DOCK10: variants seen among roughly 807,000 people sequenced by gnomAD.
DOCK10 encodes the protein dedicator of cytokinesis 10.
A neutral mutation model predicts 280.1 loss-of-function variants in DOCK10; 145 were observed. The observed-to-expected ratio is 0.52, with a 90% CI of 0.45 to 0.59. DOCK10 has a LOEUF of 0.59. DOCK10 is among the 20% of genes least tolerant of loss of function. The pLI, the probability that DOCK10 is intolerant of heterozygous loss-of-function variation, is 0.00. For missense variants in DOCK10, 2,368 were observed against 2,651.7 expected, an observed-to-expected ratio of 0.89 and a Z score of 2.35; for synonymous variants, 915 against 942.2, an observed-to-expected ratio of 0.97 and a Z score of 0.53.
intron 3 of DOCK10, among the ~76,000 whole-genome samples, chr2:224,913,361 G>A (rs1378339100): frequency 3.9e-5 from 6 of 152,052 alleles, no homozygotes; most frequent in African/African-American, 1.2e-4. Context: ...GAGCAACCTT[G>A]TATGTCTCTT....
At chr2:224,929,359 C>A (rs765860355) in intron 2 of DOCK10, among the ~76,000 whole-genome samples, 3 of 152,090 alleles carry the variant, frequency 2.0e-5, no homozygotes, top group Admixed American at 6.6e-5. Context: ...CATGTATTTG[C>A]TGAATGAATA....
At chr2:225,035,304 A>C (rs1217461350) in intron 1 of DOCK10, among the ~76,000 whole-genome samples, 1 of 151,940 alleles carries the variant, frequency 6.6e-6, no homozygotes, top group African/African-American at 2.4e-5. Context: ...CATGAACCAC[A>C]TTATAGCATA....
rs1692350086 is a variant in DOCK10, at chr2:224,793,476, T to G, written c.5155-19A>C. ...TGGCAGCCTGTAATGAGAAAGAAAA[T>G]AAAGAGGCTCAGGGGATGGAGTTTA... On this transcript the variant is annotated intron_variant, in intron 45 of 55. Coordinates refer to ENST00000258390, the MANE Select transcript of DOCK10 (RefSeq NM_014689.3). The G allele has an allele frequency of 1.2e-6, 2 of 1,607,986 alleles. No homozygotes were observed. The highest frequency in any genetic ancestry group is 1.3e-5 in the African/African-American group (1 of 74,834).
intron 2 of DOCK10, among the ~76,000 whole-genome samples, chr2:224,921,092 TAAAAAAAAAA>T (rs781152272): frequency 5.0e-5 from 3 of 59,484 alleles, no homozygotes; most frequent in African/African-American, 3.7e-4. Context: ...CCGTCTCTAT[TAAAAAAAAAA>T]AAAAAAAAAA....
At position 224,876,039 on chromosome 2, in the gene DOCK10, C is replaced by T; in HGVS notation, c.930G>A (p.Leu310=). 2 of 1,611,686 alleles carry T rather than the reference C, an allele frequency of 1.2e-6. No individual in the cohort carries two copies. Among genetic ancestry groups the T allele is most frequent in the Non-Finnish European group, 1.7e-6 (2 of 1,179,150 alleles). Residue 310 remains leucine, a splice_region_variant and synonymous_variant, in exon 8 of 56, where the codon CTG becomes CTA. Coordinates refer to ENST00000258390, the MANE Select transcript of DOCK10 (RefSeq NM_014689.3). ...GAAGACGGCTTCATATGCTCTCACC[C>T]AGACCCAGATCAGTGAGCTCTGTGC... The part of the protein sequence containing the change: ...RRSTELTDLG[L]DSLDNSVTCE...
Position 224,790,007 on chromosome 2 carries a change from C to T in DOCK10, c.5312-837G>A, listed in dbSNP as rs938805446. On this transcript the variant is annotated intron_variant, in intron 47 of 55. Coordinates refer to ENST00000258390, the MANE Select transcript of DOCK10 (RefSeq NM_014689.3). ...TGTTGGCTAGGCTGGTCTTAAACTA[C>T]TGACCTCAGGTGATCTGCCCGCCTC... Among the ~76,000 whole-genome samples, 4 of 152,186 alleles carry T rather than the reference C, an allele frequency of 2.6e-5. 1 individual carries two copies. Among genetic ancestry groups the T allele is most frequent in the Non-Finnish European group, 4.4e-5 (3 of 68,036 alleles).
chr2:225,011,995 A>T (rs1689453164), intron 1 of DOCK10, among the ~76,000 whole-genome samples: 1 of 152,198 alleles, frequency 6.6e-6, no homozygotes, highest in Admixed American at 6.5e-5. Flanking sequence ...AAATTCATTC[A>T]GCAGAGAGTA....
chr2:225,002,223 C>T (rs1706450086), intron 1 of DOCK10, among the ~76,000 whole-genome samples: 1 of 152,176 alleles, frequency 6.6e-6, no homozygotes, highest in South Asian at 2.1e-4. Flanking sequence ...ATGCTAAACT[C>T]TCCCTATATT....
At chr2:224,921,112 A>AAAAAAATATATATATAT in intron 2 of DOCK10, among the ~76,000 whole-genome samples, 2 of 54,416 alleles carry the variant, frequency 3.7e-5, no homozygotes, top group East Asian at 4.0e-4. Flanking sequence ...AAAAAAAAAA[A>AAAAAAATATATATATAT]ATATATATAT....
intron 1 of DOCK10, among the ~76,000 whole-genome samples, chr2:224,938,955 TTCTG>T (rs1165262190): frequency 2.6e-5 from 4 of 152,194 alleles, no homozygotes; most frequent in African/African-American, 9.6e-5. Flanking sequence ...CCCTTTAACC[TTCTG>T]TCTGTCTTGA....
At chr2:224,982,594 G>C in intron 1 of DOCK10, 6 of 845,890 alleles carry the variant, frequency 7.1e-6, no homozygotes, top group Non-Finnish European at 8.5e-6. Flanking sequence ...AGAGCACTGC[G>C]CTCAGAAAGT....
At chr2:224,943,706 T>C (rs1181175445) in intron 1 of DOCK10, among the ~76,000 whole-genome samples, 11 of 152,068 alleles carry the variant, frequency 7.2e-5, no homozygotes, top group Admixed American at 7.2e-4. Flanking sequence ...ACTATTCAAA[T>C]GAATAGGCTC....
chr2:224,844,715 T>G (rs144724516), intron 22 of DOCK10, 38 bp downstream of exon 22: 250 of 1,270,350 alleles, frequency 2.0e-4, no homozygotes, highest in South Asian at 1.3e-3. Flanking sequence ...ATGCTGTGAG[T>G]TAGAGAAGAT....
intron 7 of DOCK10, among the ~76,000 whole-genome samples, chr2:224,884,076 C>A (rs1699132931): frequency 6.6e-6 from 1 of 152,186 alleles, no homozygotes. Flanking sequence ...ATAGCCTCCA[C>A]CCTCCATTAA....
chr2:225,014,084 GT>G (rs1174953662), intron 1 of DOCK10, among the ~76,000 whole-genome samples: 119 of 104,428 alleles, frequency 1.1e-3, no homozygotes, highest in South Asian at 3.4e-3. Context: ...TGAATATATT[GT>G]TTTTTTTTTT....
chr2:224,836,947 G>C (rs1015502472), intron 25 of DOCK10, among the ~76,000 whole-genome samples: 21 of 151,892 alleles, frequency 1.4e-4, no homozygotes, highest in African/African-American at 4.8e-4. Flanking sequence ...ATGAGTATCT[G>C]TCTGTGCATA....
intron 4 of DOCK10, among the ~76,000 whole-genome samples, chr2:224,895,873 G>A (rs1460651464): frequency 6.7e-6 from 1 of 148,512 alleles, no homozygotes; most frequent in Non-Finnish European, 1.5e-5. Context: ...GTCTTTTGTG[G>A]AAGTTGTTTA....
At position 224,974,833 on chromosome 2, in the gene DOCK10, A is replaced by G. The variant is rs1022080346; in HGVS notation, c.124-43165T>C. On this transcript the variant is annotated intron_variant, in intron 1 of 55. Transcript: ENST00000258390. Reference sequence around the variant, plus strand: ...ATTATATATATAATATATATATATTATATATAACATATACACACACGTATA... The same window carrying G: ...ATTATATATATAATATATATATATTGTATATAACATATACACACACGTATA... Among the ~76,000 whole-genome samples the G allele has an allele frequency of 1.3e-4, 17 of 133,096 alleles. 1 individual carries two copies. The highest frequency in any genetic ancestry group is 2.3e-4 in the African/African-American group (9 of 38,734). The allele number at this position is 133,096 out of a possible 152,430, so 87.3% of individuals were successfully genotyped here. A position where few individuals can be genotyped will look rare whatever the true frequency, so the allele number is the denominator to read the frequency against.
chr2:225,025,733 A>C (rs1689902851), intron 1 of DOCK10, among the ~76,000 whole-genome samples: 1 of 152,300 alleles, frequency 6.6e-6, no homozygotes, highest in South Asian at 2.1e-4. Context: ...TCAGTTAAAA[A>C]AAAAGGAGGA....
Sources: gnomAD v4.1 joint callset for allele counts (sites outside exome capture counted in the v4.1 genomes callset) on GRCh38, gnomAD v4.1.1 for gene constraint, MANE v1.5 for transcripts, NCBI Gene and HGNC (gene_info 2026-07-23, HGNC 2026-07-21) for gene names.